The following FRMD6 variants were observed in gnomAD, a reference collection of about 807,000 sequenced individuals.
FRMD6 encodes FERM domain containing 6, also known as FERM domain-containing protein 6.
In FRMD6, 37 loss-of-function variants were observed where a neutral mutation model predicts 73.2. The observed-to-expected ratio is 0.51, with a 90% confidence interval of 0.39 to 0.66. FRMD6 has a LOEUF of 0.66. FRMD6 is among the 30% of genes least tolerant of loss of function. The pLI is 0.00. For missense variants in FRMD6, 714 were observed against 780.5 expected (o/e 0.91, Z 1.02); for synonymous variants, 273 against 282.2 (o/e 0.97, Z 0.33).
chr14:51,720,402 G>A lies in FRMD6; in HGVS notation c.1360+12G>A, dbSNP rs1490946817. On this transcript the variant is annotated intron_variant, in intron 11 of 13. Transcript: ENST00000344768. ...CTTACAGGACGATGGTAACAGTACT[G>A]TCCCCTCACTGGCTCTCTGTTTAGT... is the stretch of plus-strand genomic sequence containing the variant. The A allele has an allele frequency of 1.2e-6, 2 of 1,611,300 alleles. No homozygotes were observed. The highest frequency in any genetic ancestry group is 1.7e-5 in the Admixed American group (1 of 60,006).
intron 2 of FRMD6, among the ~76,000 whole-genome samples, chr14:51,606,812 A>G (rs888445424): frequency 1.3e-5 from 2 of 152,126 alleles, no homozygotes; most frequent in African/African-American, 4.8e-5. Context: ...GGCTCAGCCC[A>G]AGTCCTAAGG....
chr14:51,485,473 A>G (rs1472311106), upstream of FRMD6, among the ~76,000 whole-genome samples: 1 of 152,210 alleles, frequency 6.6e-6, no homozygotes, highest in African/African-American at 2.4e-5. Context: ...TCAACCCACT[A>G]TAGTGACCCT....
At chr14:51,705,056 A>G in intron 6 of FRMD6, 121 bp downstream of exon 6, 1 of 781,196 alleles carries the variant, frequency 1.3e-6, no homozygotes, top group African/African-American at 1.7e-5. Context: ...ATTCTTTGTG[A>G]TGCCCAGATA....
chr14:51,536,221 G>T (rs1046583705), intron 1 of FRMD6, among the ~76,000 whole-genome samples: 2 of 150,812 alleles, frequency 1.3e-5, no homozygotes, highest in African/African-American at 2.4e-5. Flanking sequence ...AGCCTCCTGA[G>T]TAGCTGGGAC....
chr14:51,570,097 G>A (rs1239731207), intron 1 of FRMD6, among the ~76,000 whole-genome samples: 2 of 152,108 alleles, frequency 1.3e-5, no homozygotes, highest in African/African-American at 4.8e-5. Flanking sequence ...TTACAGACGT[G>A]AGCCACTGCG....
intron 2 of FRMD6, among the ~76,000 whole-genome samples, chr14:51,589,015 A>G (rs1889220374): frequency 6.6e-6 from 1 of 152,222 alleles, no homozygotes; most frequent in Non-Finnish European, 1.5e-5. Flanking sequence ...CCATGGGAAC[A>G]TGCAGTTGAC....
intron 1 of FRMD6, among the ~76,000 whole-genome samples, chr14:51,656,056 A>G (rs1892799022): frequency 1.3e-5 from 2 of 152,248 alleles, no homozygotes; most frequent in African/African-American, 2.4e-5. Context: ...GCTCTACAGC[A>G]GTAATGGCTG....
the FRMD6 span, among the ~76,000 whole-genome samples, chr14:51,475,700 A>T: frequency 6.6e-6 from 1 of 152,212 alleles, no homozygotes; most frequent in Non-Finnish European, 1.5e-5. Context: ...TAAAATTCTC[A>T]TTTATAAACT....
At chr14:51,459,105 T>TTAGA in the FRMD6 span, among the ~76,000 whole-genome samples, 1 of 152,260 alleles carries the variant, frequency 6.6e-6, no homozygotes, top group Admixed American at 6.5e-5. Flanking sequence ...AGTTCTCCCC[T>TTAGA]TAGATTGACC....
chr14:51,690,046 A>C, intron 2 of FRMD6, 111 bp downstream of exon 2: 2 of 752,800 alleles, frequency 2.7e-6, no homozygotes, highest in Admixed American at 4.1e-5. Context: ...GGCAGTAATC[A>C]TGTGGCAGAA....
the FRMD6 span, among the ~76,000 whole-genome samples, chr14:51,439,888 T>C: frequency 6.6e-6 from 1 of 152,210 alleles, no homozygotes; most frequent in Non-Finnish European, 1.5e-5. Context: ...CACTGTCCAA[T>C]TTGGTATCTA....
intron 2 of FRMD6, chr14:51,643,394 G>C (rs4901142): frequency 0.69 from 105,038 of 152,016 alleles, 36,784 homozygotes; most frequent in Non-Finnish European, 0.76. Context: ...GTGTTTCACT[G>C]ACCAAACTGT....
At chr14:51,423,111 C>A in the FRMD6 span, among the ~76,000 whole-genome samples, 7 of 152,300 alleles carry the variant, frequency 4.6e-5, no homozygotes, top group Admixed American at 3.9e-4. Context: ...GAGCTAGAAA[C>A]CTTTGTTGTG....
At chr14:51,455,742 C>A in the FRMD6 span, among the ~76,000 whole-genome samples, 2 of 152,048 alleles carry the variant, frequency 1.3e-5, no homozygotes, top group African/African-American at 4.8e-5. Context: ...GCAAAGCAAA[C>A]GTCTGGGAAT....
At chr14:51,536,517 A>T (rs941637908) in intron 1 of FRMD6, among the ~76,000 whole-genome samples, 5 of 152,088 alleles carry the variant, frequency 3.3e-5, no homozygotes, top group African/African-American at 9.7e-5. Flanking sequence ...TCCTGGGTTC[A>T]AGCGATTCTC....
chr14:51,406,143 G>A, the FRMD6 span, among the ~76,000 whole-genome samples: 1 of 151,828 alleles, frequency 6.6e-6, no homozygotes, highest in Non-Finnish European at 1.5e-5. Context: ...ATGGTCATAG[G>A]TGAGCGGTCT....
chr14:51,591,831 A>G (rs1008675043), intron 2 of FRMD6, among the ~76,000 whole-genome samples: 10 of 152,230 alleles, frequency 6.6e-5, no homozygotes, highest in Non-Finnish European at 1.0e-4. Context: ...GTGAGCCACC[A>G]CATCCGGCCA....
intron 2 of FRMD6, among the ~76,000 whole-genome samples, chr14:51,633,114 T>C (rs542323329): frequency 6.6e-6 from 1 of 151,702 alleles, no homozygotes; most frequent in Non-Finnish European, 1.5e-5. Context: ...TAATAACTGT[T>C]CAATCTAATG....
intron 2 of FRMD6, among the ~76,000 whole-genome samples, chr14:51,636,505 T>C (rs1891572072): frequency 6.6e-6 from 1 of 152,178 alleles, no homozygotes; most frequent in African/African-American, 2.4e-5. Context: ...AGGAGCCCTG[T>C]GAAATGCTGA....
Sources: allele counts gnomAD v4.1 joint callset (sites outside exome capture counted in the v4.1 genomes callset), GRCh38; gene constraint gnomAD v4.1.1; transcripts MANE v1.5; gene names NCBI Gene and HGNC (gene_info 2026-07-23, HGNC 2026-07-21).